Variants in PTPRD observed in about 807,000 individuals in gnomAD.
PTPRD encodes the protein protein tyrosine phosphatase receptor type D, also known as receptor-type tyrosine-protein phosphatase delta.
Under a neutral mutation model 214.5 loss-of-function variants are expected in PTPRD, and 34 were observed. The ratio of observed to expected loss-of-function variants is 0.16; its 90% CI spans 0.12 to 0.21. The LOEUF (loss-of-function observed/expected upper bound fraction) is 0.21, where lower values mean the gene tolerates loss of function less well. PTPRD is among the 10% of genes least tolerant of loss of function. The pLI is 1.00. For synonymous variants in PTPRD, 1,128 were observed against 845.7 expected, an observed-to-expected ratio of 1.33 and a Z score of -5.79; for missense variants, 2,545 against 2,398.7, an observed-to-expected ratio of 1.06 and a Z score of -1.27.
chr9:9,955,903 A>C (rs2093889201), intron 4 of PTPRD, among the ~76,000 whole-genome samples: 2 of 152,172 alleles, frequency 1.3e-5, no homozygotes. Flanking sequence ...CATGTTCCTG[A>C]AACAGTATCA....
chr9:8,980,872 G>C (rs950757500), intron 11 of PTPRD, among the ~76,000 whole-genome samples: 3 of 152,074 alleles, frequency 2.0e-5, no homozygotes, highest in African/African-American at 7.2e-5. Context: ...AAATAAAAGA[G>C]ACCATGAACG....
chr9:8,442,771 T>G (rs1028687856), intron 34 of PTPRD, among the ~76,000 whole-genome samples: 1 of 152,186 alleles, frequency 6.6e-6, no homozygotes, highest in Non-Finnish European at 1.5e-5. Flanking sequence ...AAATTAAAGA[T>G]AAAGAGAATA....
intron 11 of PTPRD, among the ~76,000 whole-genome samples, chr9:8,804,446 A>C (rs1029094906): frequency 6.6e-6 from 1 of 151,966 alleles, no homozygotes; most frequent in Non-Finnish European, 1.5e-5. Context: ...AAAAAAAATA[A>C]AACTAGCCAG....
chr9:9,364,383 G>C (rs1285420266), intron 9 of PTPRD, among the ~76,000 whole-genome samples: 4 of 151,444 alleles, frequency 2.6e-5, no homozygotes, highest in African/African-American at 9.7e-5. Context: ...CAAAGAGAAA[G>C]TATGTCAGAT....
intron 14 of PTPRD, among the ~76,000 whole-genome samples, chr9:8,547,936 T>C (rs556075119): frequency 2.8e-4 from 42 of 152,300 alleles, no homozygotes; most frequent in Admixed American, 9.2e-4. Flanking sequence ...GTGTAAAACA[T>C]TGCTCAGCAC....
At chr9:9,145,898 A>C (rs2099867814) in intron 10 of PTPRD, among the ~76,000 whole-genome samples, 1 of 152,234 alleles carries the variant, frequency 6.6e-6, no homozygotes, top group East Asian at 1.9e-4. Flanking sequence ...AAAGGTAATT[A>C]ACATAGGCAC....
intron 2 of PTPRD, among the ~76,000 whole-genome samples, chr9:10,384,110 G>T (rs2097869452): frequency 6.6e-6 from 1 of 150,566 alleles, no homozygotes; most frequent in South Asian, 2.1e-4. Context: ...CCTAGTATTT[G>T]ATGGCACAGC....
At chr9:9,867,180 A>C (rs2064186206) in intron 5 of PTPRD, among the ~76,000 whole-genome samples, 1 of 152,142 alleles carries the variant, frequency 6.6e-6, no homozygotes, top group East Asian at 1.9e-4. Flanking sequence ...GTAAGGATTA[A>C]GGATTAGAAC....
chr9:8,529,560 C>A (rs931923525), intron 14 of PTPRD, among the ~76,000 whole-genome samples: 1 of 152,094 alleles, frequency 6.6e-6, no homozygotes, highest in African/African-American at 2.4e-5. Flanking sequence ...TTTTGAATCT[C>A]CAACTCATGC....
intron 10 of PTPRD, among the ~76,000 whole-genome samples, chr9:9,121,535 T>A (rs1018840592): frequency 1.3e-5 from 2 of 151,988 alleles, no homozygotes; most frequent in African/African-American, 4.8e-5. Flanking sequence ...CCTGGATGAG[T>A]TTAGAGACTA....
intron 9 of PTPRD, among the ~76,000 whole-genome samples, chr9:9,237,082 G>C (rs2099967288): frequency 6.6e-6 from 1 of 152,148 alleles, no homozygotes; most frequent in African/African-American, 2.4e-5. Context: ...GAAGGAAAAA[G>C]AAACAATTTA....
In PTPRD at chr9:8,479,234, C is replaced by T. The variant is rs1034939320; in HGVS notation, c.3413+4885G>A. Among the ~76,000 whole-genome samples, 5 of 152,148 alleles carry T rather than the reference C, an allele frequency of 3.3e-5. 1 individual carries two copies. Among genetic ancestry groups the T allele is most frequent in the African/African-American group, 7.2e-5 (3 of 41,422 alleles). ...TTACACTATTATCCCTTTAAGAATT[C>T]CAATAAATAGAAATCATCTAAGGCT... On this transcript the variant is annotated intron_variant, in intron 30 of 45. Transcript: ENST00000381196.
At chr9:9,116,602 C>T (rs1158594329) in intron 10 of PTPRD, among the ~76,000 whole-genome samples, 1 of 152,068 alleles carries the variant, frequency 6.6e-6, no homozygotes, top group Non-Finnish European at 1.5e-5. Flanking sequence ...CCATTTGTAT[C>T]CCTAAAGCTG....
At chr9:10,210,272 G>A (rs1347521291) in intron 3 of PTPRD, among the ~76,000 whole-genome samples, 1 of 151,958 alleles carries the variant, frequency 6.6e-6, no homozygotes, top group Non-Finnish European at 1.5e-5. Flanking sequence ...TCTATATATT[G>A]CTTCTTAAAG....
intron 35 of PTPRD, among the ~76,000 whole-genome samples, chr9:8,419,818 C>T (rs2094226287): frequency 6.6e-6 from 1 of 152,026 alleles, no homozygotes; most frequent in South Asian, 2.1e-4. Flanking sequence ...ATTTCACATA[C>T]ATTCAAGTAA....
At chr9:9,220,497 T>A (rs865995032) in intron 9 of PTPRD, among the ~76,000 whole-genome samples, 7 of 152,174 alleles carry the variant, frequency 4.6e-5, no homozygotes, top group Non-Finnish European at 1.0e-4. Flanking sequence ...ATTGGGGATA[T>A]ATTCTTTGTA....
chr9:9,203,854 G>A (rs2099943288), intron 9 of PTPRD, among the ~76,000 whole-genome samples: 1 of 152,184 alleles, frequency 6.6e-6, no homozygotes, highest in East Asian at 1.9e-4. Flanking sequence ...TTTTAGAGAT[G>A]TGTTATAGAA....
In PTPRD at chr9:9,645,407, T is replaced by A. The variant is rs148923400; in HGVS notation, c.-286-70626A>T. Among the ~76,000 whole-genome samples, 21 of 151,406 alleles carry A rather than the reference T, an allele frequency of 1.4e-4. No homozygotes were observed. The East Asian group carries it at 4.1e-3, about 29-fold the overall frequency. On this transcript the variant is annotated intron_variant, in intron 7 of 45. Coordinates refer to ENST00000381196, the MANE Select transcript of PTPRD (RefSeq NM_002839.4). The stretch of plus-strand genomic sequence containing the variant: ...TGTTTGGGAAGACTAATATAAGTGT[T>A]GATTTGCTTTGTTTTTTTCATTATA...
At chr9:10,532,966 G>C (rs1395167047) in intron 2 of PTPRD, among the ~76,000 whole-genome samples, 1 of 152,052 alleles carries the variant, frequency 6.6e-6, no homozygotes, top group Non-Finnish European at 1.5e-5. Context: ...GGGATGTAGG[G>C]TCTAGAGGAA....
Sources: gnomAD v4.1 joint callset for allele counts (sites outside exome capture counted in the v4.1 genomes callset) on GRCh38, gnomAD v4.1.1 for gene constraint, MANE v1.5 for transcripts, NCBI Gene and HGNC (gene_info 2026-07-23, HGNC 2026-07-21) for gene names.